The following UBE2E2 variants were observed in gnomAD, a reference collection of about 807,000 sequenced individuals.
The protein encoded by UBE2E2 is ubiquitin-conjugating enzyme E2 E2.
A neutral mutation model predicts 24.7 loss-of-function variants in UBE2E2; 6 were observed. The observed-to-expected ratio is 0.24, with a 90% CI of 0.13 to 0.48. The LOEUF (loss-of-function observed/expected upper bound fraction) is 0.48. Among genes scored for constraint, UBE2E2 ranks in the 20% least tolerant of loss-of-function variants. UBE2E2 has a pLI of 0.99. For missense variants in UBE2E2, 169 were observed against 245.0 expected (o/e 0.69, Z 2.07); for synonymous variants, 104 against 83.6 (o/e 1.24, Z -1.33).
intron 3 of UBE2E2, among the ~76,000 whole-genome samples, chr3:23,383,925 C>A (rs1559368245): frequency 6.7e-6 from 1 of 149,684 alleles, no homozygotes. Context: ...CAGTTTCATG[C>A]CATATAAAAC....
At chr3:23,464,838 A>G (rs1333169487) in intron 3 of UBE2E2, among the ~76,000 whole-genome samples, 1 of 152,226 alleles carries the variant, frequency 6.6e-6, no homozygotes, top group Non-Finnish European at 1.5e-5. Flanking sequence ...TGAGATGATA[A>G]TGTGAGAAAA....
At chr3:23,389,436 A>T (rs1396823110) in intron 3 of UBE2E2, among the ~76,000 whole-genome samples, 1 of 152,128 alleles carries the variant, frequency 6.6e-6, no homozygotes, top group African/African-American at 2.4e-5. Flanking sequence ...TTTTTTCTGT[A>T]CCGTCTTCCC....
At chr3:23,452,187 T>C (rs1698575747) in intron 3 of UBE2E2, among the ~76,000 whole-genome samples, 1 of 152,208 alleles carries the variant, frequency 6.6e-6, no homozygotes, top group Non-Finnish European at 1.5e-5. Context: ...ATTTAATGAA[T>C]GTTCTATATC....
intron 3 of UBE2E2, among the ~76,000 whole-genome samples, chr3:23,394,371 C>T (rs1697026092): frequency 1.3e-5 from 2 of 152,126 alleles, no homozygotes; most frequent in African/African-American, 4.8e-5. Flanking sequence ...AAATGGTCTG[C>T]TGAGGTCCTC....
At chr3:23,403,629 T>C (rs1245828212) in intron 3 of UBE2E2, among the ~76,000 whole-genome samples, 2 of 152,128 alleles carry the variant, frequency 1.3e-5, no homozygotes, top group Non-Finnish European at 2.9e-5. Flanking sequence ...AAGACCAGCC[T>C]GGTCAACATG....
intron 3 of UBE2E2, among the ~76,000 whole-genome samples, chr3:23,224,749 G>A (rs746285124): frequency 6.6e-6 from 1 of 151,902 alleles, no homozygotes; most frequent in Non-Finnish European, 1.5e-5. Flanking sequence ...ATCAATTGAT[G>A]GATATTTATA....
chr3:23,249,557 G>T (rs913385100), intron 3 of UBE2E2, among the ~76,000 whole-genome samples: 5 of 152,122 alleles, frequency 3.3e-5, no homozygotes, highest in African/African-American at 7.2e-5. Flanking sequence ...AATTAGCCAA[G>T]ATTAGGGATT....
chr3:23,495,775 G>A (rs1431281459), intron 3 of UBE2E2, among the ~76,000 whole-genome samples: 1 of 152,172 alleles, frequency 6.6e-6, no homozygotes, highest in African/African-American at 2.4e-5. Flanking sequence ...CTCTGTCTAT[G>A]CCTCATTGCC....
At chr3:23,492,213 A>C (rs1699514991) in intron 3 of UBE2E2, among the ~76,000 whole-genome samples, 1 of 152,236 alleles carries the variant, frequency 6.6e-6, no homozygotes, top group Non-Finnish European at 1.5e-5. Flanking sequence ...ATATCCCTGC[A>C]GCTAGCTTCC....
At chr3:23,512,118 C>G (rs922486052) in intron 4 of UBE2E2, among the ~76,000 whole-genome samples, 1 of 151,994 alleles carries the variant, frequency 6.6e-6, no homozygotes, top group African/African-American at 2.4e-5. Flanking sequence ...CCTGAACCAA[C>G]TGAGCTATGA....
intron 4 of UBE2E2, among the ~76,000 whole-genome samples, chr3:23,515,582 G>C (rs1000676627): frequency 5.9e-5 from 9 of 152,120 alleles, no homozygotes; most frequent in Admixed American, 2.6e-4. Context: ...TGTATAACCA[G>C]CATATACTCC....
rs1036885365 is a variant in UBE2E2, at chr3:23,315,223, C to T, written c.227+97911C>T. Among the ~76,000 whole-genome samples, 5 of 152,046 alleles carry T rather than the reference C, an allele frequency of 3.3e-5. No homozygotes were observed. The South Asian group carries it at 8.3e-4, about 25-fold the overall frequency. ...TTCCCCAGGCAGAGGAGTTTGTCCC[C>T]ATTCCATTACCAACACAGGCCCACG... is the stretch of plus-strand genomic sequence containing the variant. On this transcript the variant is annotated intron_variant, in intron 3 of 5. Transcript: ENST00000396703.
intron 3 of UBE2E2, among the ~76,000 whole-genome samples, chr3:23,249,912 T>TC (rs1191524307): frequency 2.6e-5 from 4 of 152,198 alleles, no homozygotes; most frequent in African/African-American, 9.6e-5. Flanking sequence ...TGCCTCTGCC[T>TC]CCCAAAGTGC....
chr3:23,436,842 A>G (rs1013249658), intron 3 of UBE2E2, among the ~76,000 whole-genome samples: 7 of 152,184 alleles, frequency 4.6e-5, no homozygotes, highest in African/African-American at 1.4e-4. Flanking sequence ...CCACTCCTGC[A>G]TGCAGTTACA....
chr3:23,502,673 C>T (rs1028638732), intron 4 of UBE2E2, among the ~76,000 whole-genome samples: 1 of 152,062 alleles, frequency 6.6e-6, no homozygotes, highest in African/African-American at 2.4e-5. Context: ...TGCCTAAATT[C>T]TAATAAGGCG....
chr3:23,330,497 G>C lies in UBE2E2; in HGVS notation c.227+113185G>C, dbSNP rs556574931. ...TGACACATAAGTACAAGAAAGATTA[G>C]AATCCTGTGGTCCACATTATATATT... On this transcript the variant is annotated intron_variant, in intron 3 of 5. Coordinates refer to ENST00000396703, the MANE Select transcript of UBE2E2 (RefSeq NM_152653.4). Among the ~76,000 whole-genome samples, 12 of 152,288 alleles carry C rather than the reference G, an allele frequency of 7.9e-5. 1 individual carries two copies. The South Asian group carries it at 2.3e-3, about 29-fold the overall frequency.
At chr3:23,411,513 G>T (rs1407430259) in intron 3 of UBE2E2, among the ~76,000 whole-genome samples, 1 of 152,160 alleles carries the variant, frequency 6.6e-6, no homozygotes, top group African/African-American at 2.4e-5. Context: ...TGTCTATCTT[G>T]GGTTATTGAG....
At chr3:23,563,973 A>AAGAG (rs1302999755) in intron 5 of UBE2E2, among the ~76,000 whole-genome samples, 5 of 149,042 alleles carry the variant, frequency 3.4e-5, no homozygotes, top group African/African-American at 4.9e-5. Flanking sequence ...CCAAAAACAA[A>AAGAG]AGAAAGAAAG....
At chr3:23,327,130 A>G (rs928068243) in intron 3 of UBE2E2, among the ~76,000 whole-genome samples, 1 of 152,194 alleles carries the variant, frequency 6.6e-6, no homozygotes, top group South Asian at 2.1e-4. Flanking sequence ...GCTGCAATAA[A>G]CATACATGTG....
Sources: allele counts gnomAD v4.1 joint callset (sites outside exome capture counted in the v4.1 genomes callset), GRCh38; gene constraint gnomAD v4.1.1; transcripts MANE v1.5; gene names NCBI Gene and HGNC (gene_info 2026-07-23, HGNC 2026-07-21).